RICTOR: variants seen among roughly 807,000 people sequenced by gnomAD.
The protein encoded by RICTOR is rapamycin-insensitive companion of mTOR.
In RICTOR, 49 loss-of-function variants were observed where a neutral mutation model predicts 214.9. The ratio of observed to expected loss-of-function variants is 0.23; its 90% CI spans 0.18 to 0.29. RICTOR has a LOEUF of 0.29. Ranked by LOEUF, RICTOR falls within the 10% of genes least tolerant of loss-of-function variation. RICTOR has a pLI of 1.00. For synonymous variants in RICTOR, 717 were observed against 711.3 expected (o/e 1.01, Z -0.13); for missense variants, 1,625 against 2,047.0 (o/e 0.79, Z 3.98).
At chr5:38,965,555 T>C (rs1750143933) in intron 15 of RICTOR, among the ~76,000 whole-genome samples, 1 of 151,984 alleles carries the variant, frequency 6.6e-6, no homozygotes. Flanking sequence ...GATTCCTTCA[T>C]ATAAAAGCAA....
rs143738262 is a variant in RICTOR, at chr5:38,990,855, T to TATGAGATATGATATATATATGATAG, written c.583+93_583+94insCTATCATATATATATCATATCTCAT. On this transcript the variant is annotated intron_variant, in intron 7 of 37. Coordinates refer to ENST00000357387, the MANE Select transcript of RICTOR (RefSeq NM_152756.5). ...TATGAGATATATGAGATATATGATA[T>TATGAGATATGATATATATATGATAG]ATATATGATAGATATATGATAGATA... 2.0e-5 allele frequency: 3 copies of TATGAGATATGATATATATATGATAG among 152,552 alleles called. 1 individual carries two copies. In the East Asian group the frequency reaches 2.9e-4, roughly 15 times the overall value. The allele number at this position is 152,552 out of a possible 1,614,324, so 9.4% of individuals were successfully genotyped here. A position where few individuals can be genotyped will look rare whatever the true frequency, so the allele number is the denominator to read the frequency against.
At chr5:38,944,779 A>T in intron 35 of RICTOR, 134 bp downstream of exon 35, 1 of 929,220 alleles carries the variant, frequency 1.1e-6, no homozygotes, top group Non-Finnish European at 1.7e-6. Context: ...TAACAGTGTT[A>T]AATTGCTTCA....
rs1368603692 is a variant in RICTOR, at chr5:38,960,513, T to A, written c.1736A>T (p.Tyr579Phe). The A allele has an allele frequency of 1.2e-6, 2 of 1,613,618 alleles. No individual in the cohort carries two copies. Among genetic ancestry groups the A allele is most frequent in the Non-Finnish European group, 1.7e-6 (2 of 1,179,676 alleles). Residue 579 changes from tyrosine to phenylalanine, a missense_variant, in exon 20 of 38, where the codon TAT (tyrosine) becomes TTT (phenylalanine). Physicochemically the swap from Tyr to Phe is conservative, Grantham distance 22 (BLOSUM62 3). Transcript: ENST00000357387. ...TAATTTACTGCTGGGCTTGTAAAAA[T>A]AAAGTAGTCTTCGTACAAACCTAAA... ...QLHRFVRRLL[Y>F]FYKPSSKLYA...
At chr5:38,966,801 A>ATT (rs11435048) in intron 14 of RICTOR, 80 bp from the exon 15 acceptor site, 163,582 of 546,924 alleles carry the variant, frequency 0.3, 11,092 homozygotes, top group East Asian at 0.35. Context: ...ATTTTTCAAA[A>ATT]TTTTTTTTTT....
rs1458948170 is a variant in RICTOR, at chr5:38,964,793, G to A, written c.1399C>T (p.Leu467=). Reference sequence around the variant, plus strand: ...CTTTGCTAAAGCTCTGATACTTACAGTCTCTTTTCCTTGGGGATATCAAAG... The same window carrying A: ...CTTTGCTAAAGCTCTGATACTTACAATCTCTTTTCCTTGGGGATATCAAAG... ...ASFDIPKEKR[L]RASAALNCLK... Residue 467 remains leucine (L), a splice_region_variant and synonymous_variant, in exon 16 of 38, where the codon CTG becomes TTG. Transcript: ENST00000357387. 4.6e-6 allele frequency: 7 copies of A among 1,525,708 alleles called. No individual in the cohort carries two copies. The highest frequency in any genetic ancestry group is 5.4e-6 in the Non-Finnish European group (6 of 1,107,336). 94.5% of individuals were successfully genotyped at this position (1,525,708 alleles called of 1,614,324 possible). A position where few individuals can be genotyped will look rare whatever the true frequency, so the allele number is the denominator to read the frequency against.
intron 16 of RICTOR, among the ~76,000 whole-genome samples, chr5:38,964,244 T>C (rs1450336214): frequency 6.6e-6 from 1 of 151,864 alleles, no homozygotes; most frequent in African/African-American, 2.4e-5. Flanking sequence ...TTACCTTTTA[T>C]ATATATTTTA....
intron 3 of RICTOR, among the ~76,000 whole-genome samples, chr5:39,016,826 C>T (rs1448205657): frequency 1.3e-5 from 2 of 152,042 alleles, no homozygotes; most frequent in African/African-American, 4.8e-5. Flanking sequence ...TGTAGTTAGT[C>T]TTAATTGAAG....
chr5:39,032,706 T>C (rs1181215175), intron 2 of RICTOR, among the ~76,000 whole-genome samples: 3 of 152,146 alleles, frequency 2.0e-5, no homozygotes, highest in African/African-American at 7.2e-5. Flanking sequence ...AACCAGTGCC[T>C]AGGTAGGAAA....
chr5:38,954,788 A>C lies in RICTOR; in HGVS notation c.2683T>G (p.Leu895Val). The C allele has an allele frequency of 1.3e-6, 2 of 1,595,444 alleles. No homozygotes were observed. Among genetic ancestry groups the C allele is most frequent in the East Asian group, 4.5e-5 (2 of 44,652 alleles). The change falls in exon 27 of 38, where the codon TTG becomes GTG. Residue 895 changes from leucine (L) to valine (V), a missense_variant. Around this residue, in one of 5 missense-constraint regions of RICTOR, gnomAD observed 1,214 missense variants for 1,470.5 expected, o/e 0.83. Coordinates refer to ENST00000357387, the MANE Select transcript of RICTOR (RefSeq NM_152756.5). ...QLVHHKTGCH[L>V]LEVQNIITEL... Reference sequence around the variant, plus strand: ...TATGTTTTTACCTGTACTTCCAACAAATGGCAGCCTGTTTTATGGTGTACT... The same window carrying C: ...TATGTTTTTACCTGTACTTCCAACACATGGCAGCCTGTTTTATGGTGTACT...
Position 38,990,655 on chromosome 5 carries a change from G to GAT in RICTOR, c.583+292_583+293dup, listed in dbSNP as rs753986157. ...TATATCTGACATATATCAGATATAT[G>GAT]ATATATATCAGATATATATCAGATA... On this transcript the variant is annotated intron_variant, in intron 7 of 37. Transcript: ENST00000357387. Among the ~76,000 whole-genome samples the GAT allele has an allele frequency of 1.3e-3, 105 of 79,214 alleles. 6 individuals carry two copies. The highest frequency in any genetic ancestry group is 4.6e-3 in the African/African-American group (96 of 21,030). 52.0% of individuals were successfully genotyped at this position (79,214 alleles called of 152,430 possible). A position where few individuals can be genotyped will look rare whatever the true frequency, so the allele number is the denominator to read the frequency against.
At chr5:39,060,744 C>G (rs971461415) in intron 2 of RICTOR, among the ~76,000 whole-genome samples, 9 of 151,892 alleles carry the variant, frequency 5.9e-5, no homozygotes, top group African/African-American at 2.2e-4. Context: ...CTGGGGGTTC[C>G]AAATCAATAC....
chr5:39,052,124 A>G (rs1415778099), intron 2 of RICTOR, among the ~76,000 whole-genome samples: 1 of 152,182 alleles, frequency 6.6e-6, no homozygotes, highest in Non-Finnish European at 1.5e-5. Flanking sequence ...CTGTAATCCC[A>G]GCACTTTGGG....
chr5:38,990,731 T>TATATCATATATCTGATATATATCAG (rs1273833462), intron 7 of RICTOR, among the ~76,000 whole-genome samples: 2 of 123,000 alleles, frequency 1.6e-5, no homozygotes, highest in African/African-American at 6.0e-5. Flanking sequence ...ATATATCATA[T>TATATCATATATCTGATATATATCAG]ATATGATATA....
At chr5:39,017,781 T>C (rs1755076219) in intron 3 of RICTOR, among the ~76,000 whole-genome samples, 1 of 152,150 alleles carries the variant, frequency 6.6e-6, no homozygotes. Flanking sequence ...CAAATCCAAG[T>C]CACAGTTCAA....
intron 3 of RICTOR, among the ~76,000 whole-genome samples, chr5:39,017,306 T>C (rs760292233): frequency 3.3e-5 from 5 of 152,184 alleles, no homozygotes; most frequent in African/African-American, 9.6e-5. Flanking sequence ...CTTATTTGAA[T>C]TGAGTGAAGA....
At chr5:38,957,887 T>C (rs1262771589) in intron 24 of RICTOR, among the ~76,000 whole-genome samples, 157 bp from the exon 25 acceptor site, 5 of 152,220 alleles carry the variant, frequency 3.3e-5, no homozygotes, top group Non-Finnish European at 7.4e-5. Context: ...TTATTATAAC[T>C]TCAATTACAA....
chr5:38,967,804 T>C (rs1035758072), intron 12 of RICTOR, 139 bp downstream of exon 12: 37 of 552,742 alleles, frequency 6.7e-5, no homozygotes, highest in Non-Finnish European at 9.8e-5. Flanking sequence ...GTTTTATTTT[T>C]ATATTAATTT....
intron 3 of RICTOR, among the ~76,000 whole-genome samples, chr5:39,014,461 A>C (rs925759869): frequency 8.5e-5 from 13 of 152,124 alleles, no homozygotes; most frequent in Non-Finnish European, 1.6e-4. Flanking sequence ...TTTATCATAT[A>C]TTCTTCTGTA....
intron 2 of RICTOR, among the ~76,000 whole-genome samples, chr5:39,040,934 T>C (rs1466812991): frequency 1.3e-5 from 2 of 152,094 alleles, no homozygotes; most frequent in Non-Finnish European, 2.9e-5. Flanking sequence ...CTAACAGTAA[T>C]ATAATAGACA....
Sources: allele counts gnomAD v4.1 joint callset (sites outside exome capture counted in the v4.1 genomes callset), GRCh38; gene constraint gnomAD v4.1.1; regional missense constraint gnomAD v4.1.1; transcripts MANE v1.5; gene names NCBI Gene and HGNC (gene_info 2026-07-23, HGNC 2026-07-21).